GOLPH3L: variants seen among roughly 807,000 people sequenced by gnomAD.
The protein encoded by GOLPH3L is golgi phosphoprotein 3 like.
Under a neutral mutation model 30.3 loss-of-function variants are expected in GOLPH3L, and 22 were observed. That is an observed-to-expected ratio of 0.73 (90% CI 0.52 to 1.04). The LOEUF (loss-of-function observed/expected upper bound fraction) is 1.04, where lower values mean the gene tolerates loss of function less well. GOLPH3L is among the 50% of genes least tolerant of loss of function. The pLI is 0.00. For synonymous variants in GOLPH3L, 120 were observed against 128.2 expected, an observed-to-expected ratio of 0.94 and a Z score of 0.43; for missense variants, 303 against 345.8, an observed-to-expected ratio of 0.88 and a Z score of 0.98.
At chr1:150,681,509 G>T (rs1156900816) in intron 2 of GOLPH3L, among the ~76,000 whole-genome samples, 1 of 152,158 alleles carries the variant, frequency 6.6e-6, no homozygotes, top group Non-Finnish European at 1.5e-5. Flanking sequence ...GACTGGAGTG[G>T]TAAGTAGACT....
At chr1:150,675,355 A>G (rs1432379145) in intron 2 of GOLPH3L, among the ~76,000 whole-genome samples, 1 of 152,160 alleles carries the variant, frequency 6.6e-6, no homozygotes, top group Non-Finnish European at 1.5e-5. Flanking sequence ...TTCATAAAAA[A>G]TAAAAATCAC....
intron 2 of GOLPH3L, among the ~76,000 whole-genome samples, chr1:150,688,608 G>T (rs587704000): frequency 6.6e-6 from 1 of 152,070 alleles, no homozygotes; most frequent in African/African-American, 2.4e-5. Flanking sequence ...AAAATTAGCC[G>T]GGGATGGTGG....
rs587755866 is a variant in GOLPH3L, at chr1:150,651,121, A to C, written c.431-2373T>G. 3.5e-4 allele frequency among the ~76,000 whole-genome samples: 54 copies of C among 152,286 alleles called. 1 individual carries two copies. Among genetic ancestry groups the C allele is most frequent in the Non-Finnish European group, 7.1e-4 (48 of 68,004 alleles). On this transcript the variant is annotated intron_variant, in intron 4 of 4. Transcript: ENST00000271732. ...CATTTGAGGCCAGGAGTTCAAGACAAGCCTGGCCAACATGGCGAAACGCCA... is the reference window on the plus strand; with the variant it reads ...CATTTGAGGCCAGGAGTTCAAGACACGCCTGGCCAACATGGCGAAACGCCA...
chr1:150,665,657 T>G (rs1045960603), intron 2 of GOLPH3L, among the ~76,000 whole-genome samples: 2 of 152,132 alleles, frequency 1.3e-5, no homozygotes, highest in African/African-American at 4.8e-5. Flanking sequence ...ACTCTTTTAG[T>G]TGTCCAGTAT....
intron 4 of GOLPH3L, among the ~76,000 whole-genome samples, chr1:150,651,997 G>A (rs1650115423): frequency 6.6e-6 from 1 of 151,974 alleles, no homozygotes; most frequent in African/African-American, 2.4e-5. Context: ...TGAACACAAA[G>A]AGACCCATAT....
At chr1:150,691,916 T>C (rs867826513) in intron 2 of GOLPH3L, among the ~76,000 whole-genome samples, 11 of 152,252 alleles carry the variant, frequency 7.2e-5, no homozygotes, top group South Asian at 6.2e-4. Flanking sequence ...TTTTTTTTTT[T>C]TGATGATTCA....
At chr1:150,662,884 G>A (rs1650400970) in intron 3 of GOLPH3L, among the ~76,000 whole-genome samples, 1 of 152,094 alleles carries the variant, frequency 6.6e-6, no homozygotes, top group Non-Finnish European at 1.5e-5. Context: ...GTTGTGAGTG[G>A]AAAAATTCAG....
rs756171459 is a variant in GOLPH3L, at chr1:150,661,776, A to C, written c.430+38T>G. On this transcript the variant is annotated intron_variant, in intron 4 of 4. Transcript: ENST00000271732. ...AATTTCAGGGTAGGATAAAGATAAC[A>C]AAGTGTGAAATTCATATATTATTTT... 3 of 909,340 alleles carry C rather than the reference A, an allele frequency of 3.3e-6. No homozygotes were observed. The African/African-American group carries it at 4.9e-5, about 15-fold the overall frequency. The allele number at this position is 909,340 out of a possible 1,614,324, so 56.3% of individuals were successfully genotyped here.
At chr1:150,693,972 G>A in intron 2 of GOLPH3L, 1 of 198,820 alleles carries the variant, frequency 5.0e-6, no homozygotes, top group Non-Finnish European at 1.0e-5. Context: ...TGATTCTCCT[G>A]CCTCAGCCTC....
intron 2 of GOLPH3L, among the ~76,000 whole-genome samples, chr1:150,684,956 C>T (rs758542313): frequency 2.6e-4 from 39 of 152,268 alleles, no homozygotes; most frequent in Non-Finnish European, 4.6e-4. Context: ...GTGTGAGCCA[C>T]CATGCCCAGC....
chr1:150,660,468 A>T (rs1406891490), intron 4 of GOLPH3L, among the ~76,000 whole-genome samples: 1 of 152,244 alleles, frequency 6.6e-6, no homozygotes, highest in Non-Finnish European at 1.5e-5. Flanking sequence ...GAACTTGAAC[A>T]GATATTTGTG....
At chr1:150,689,406 C>T (rs1231561296) in intron 2 of GOLPH3L, among the ~76,000 whole-genome samples, 1 of 152,142 alleles carries the variant, frequency 6.6e-6, no homozygotes, top group African/African-American at 2.4e-5. Context: ...AGTTAATAAT[C>T]TATATCAAAA....
chr1:150,647,109 T>G lies in GOLPH3L; in HGVS notation c.*1212A>C, dbSNP rs587691655. ...ATTAATTTATGTAGGAAGCCAAAAA[T>G]AGGAAATAAAAAGATCTGGAGTTCA... On this transcript the variant is annotated 3_prime_UTR_variant, in exon 5 of 5. Coordinates refer to ENST00000271732, the MANE Select transcript of GOLPH3L (RefSeq NM_018178.6). 1 of 152,008 alleles carries G rather than the reference T, an allele frequency of 6.6e-6. No homozygotes were observed. The highest frequency in any genetic ancestry group is 1.5e-5 in the Non-Finnish European group (1 of 68,008). 9.4% of individuals were successfully genotyped at this position (152,008 alleles called of 1,614,324 possible). A position where few individuals can be genotyped will look rare whatever the true frequency, so the allele number is the denominator to read the frequency against.
intron 2 of GOLPH3L, among the ~76,000 whole-genome samples, chr1:150,690,591 T>A (rs992039267): frequency 6.6e-6 from 1 of 152,196 alleles, no homozygotes; most frequent in African/African-American, 2.4e-5. Flanking sequence ...CTCTGCCTGG[T>A]AACAAAATCT....
intron 2 of GOLPH3L, 52 bp downstream of exon 2, chr1:150,694,604 A>G (rs769732192): frequency 8.8e-7 from 1 of 1,130,474 alleles, no homozygotes; most frequent in Non-Finnish European, 1.3e-6. Context: ...TTCCTAAAAC[A>G]TTCCAATATT....
chr1:150,655,247 C>T lies in GOLPH3L; in HGVS notation c.431-6499G>A, dbSNP rs587749022. ...GGCCGTCTGCGTGGCCAATTCAACC[C>T]GCCCAATTTAACATAGTTGGAGTTG... On this transcript the variant is annotated intron_variant, in intron 4 of 4. Coordinates refer to ENST00000271732, the MANE Select transcript of GOLPH3L (RefSeq NM_018178.6). Among the ~76,000 whole-genome samples, 186 of 152,228 alleles carry T rather than the reference C, an allele frequency of 1.2e-3. 1 individual carries two copies. The highest frequency in any genetic ancestry group is 2.2e-3 in the Non-Finnish European group (150 of 68,024).
intron 4 of GOLPH3L, among the ~76,000 whole-genome samples, chr1:150,652,994 G>A (rs1168650805): frequency 4.0e-5 from 6 of 151,428 alleles, no homozygotes; most frequent in African/African-American, 1.2e-4. Context: ...GATGTAATAC[G>A]TGTAACAATA....
At chr1:150,695,818 T>C (rs1651339525) in intron 1 of GOLPH3L, among the ~76,000 whole-genome samples, 1 of 152,076 alleles carries the variant, frequency 6.6e-6, no homozygotes. Context: ...TAGTCCTAGC[T>C]AGCCATATCT....
At chr1:150,667,535 A>AAAAAC (rs761340804) in intron 2 of GOLPH3L, among the ~76,000 whole-genome samples, 42 of 152,252 alleles carry the variant, frequency 2.8e-4, no homozygotes, top group African/African-American at 3.1e-4. Context: ...CCTTGTCTGT[A>AAAAAC]AAAACAAAAC....
Sources: gnomAD v4.1 joint callset for allele counts (sites outside exome capture counted in the v4.1 genomes callset) on GRCh38, gnomAD v4.1.1 for gene constraint, MANE v1.5 for transcripts, NCBI Gene and HGNC (gene_info 2026-07-23, HGNC 2026-07-21) for gene names.